GRK3: variants seen among roughly 807,000 people sequenced by gnomAD.
GRK3 encodes the protein G protein-coupled receptor kinase 3.
Under a neutral mutation model 95.7 loss-of-function variants are expected in GRK3, and 54 were observed. The observed-to-expected ratio is 0.56, with a 90% CI of 0.45 to 0.71. The LOEUF (loss-of-function observed/expected upper bound fraction) is 0.71. Ranked by LOEUF, GRK3 falls within the 30% of genes least tolerant of loss-of-function variation. The pLI, the probability that GRK3 is intolerant of heterozygous loss-of-function variation, is 0.00. For missense variants in GRK3, 649 were observed against 851.2 expected (o/e 0.76, Z 2.96); for synonymous variants, 281 against 290.8 (o/e 0.97, Z 0.34).
intron 1 of GRK3, among the ~76,000 whole-genome samples, chr22:25,569,516 G>A (rs964281258): frequency 2.6e-5 from 4 of 152,206 alleles, no homozygotes; most frequent in African/African-American, 9.7e-5. Context: ...TGGATTCTTA[G>A]AGACAGCCTC....
intron 2 of GRK3, among the ~76,000 whole-genome samples, chr22:25,642,714 A>T (rs559187093): frequency 6.6e-6 from 1 of 152,286 alleles, no homozygotes; most frequent in South Asian, 2.1e-4. Flanking sequence ...GAGAATGTGC[A>T]GTATTTGAGT....
Position 25,727,581 on chromosome 22 carries a change from A to C in GRK3, c.*5131A>C, listed in dbSNP as rs535653754. 73 of 152,388 alleles carry C rather than the reference A, an allele frequency of 4.8e-4. No homozygotes were observed. The highest frequency in any genetic ancestry group is 1.7e-3 in the African/African-American group (71 of 41,592). The allele number at this position is 152,388 out of a possible 1,614,324, so 9.4% of individuals were successfully genotyped here. A position where few individuals can be genotyped will look rare whatever the true frequency, so the allele number is the denominator to read the frequency against. On this transcript the variant is annotated 3_prime_UTR_variant, in exon 21 of 21. Coordinates refer to ENST00000324198, the MANE Select transcript of GRK3 (RefSeq NM_005160.4). The stretch of plus-strand genomic sequence containing the variant: ...AACACAAACTACAGAAAATGGGTTA[A>C]GAGTATACGCATTTCATCAAACACA...
intron 20 of GRK3, 146 bp from the exon 21 acceptor site, chr22:25,722,143 A>G (rs996217255): frequency 2.4e-6 from 2 of 832,404 alleles, no homozygotes; most frequent in Admixed American, 2.3e-5. Context: ...AGCGTGACCC[A>G]TCAGCTAGTA....
Position 25,726,343 on chromosome 22 carries a change from T to A in GRK3, c.*3893T>A, listed in dbSNP as rs1181416181. 3 of 152,240 alleles carry A rather than the reference T, an allele frequency of 2.0e-5. No homozygotes were observed. The highest frequency in any genetic ancestry group is 2.9e-5 in the Non-Finnish European group (2 of 68,034). The allele number at this position is 152,240 out of a possible 1,614,324, so 9.4% of individuals were successfully genotyped here. A position where few individuals can be genotyped will look rare whatever the true frequency, so the allele number is the denominator to read the frequency against. On this transcript the variant is annotated 3_prime_UTR_variant, in exon 21 of 21. Transcript: ENST00000324198. ...ACAACGTTCTCAAAGTCTGGCCTCT[T>A]TAGCATGATGTAAACCTATAGAAAT...
intron 13 of GRK3, among the ~76,000 whole-genome samples, chr22:25,696,487 A>ATTAATGG (rs1310591392): frequency 1.3e-5 from 2 of 152,188 alleles, no homozygotes; most frequent in African/African-American, 4.8e-5. Context: ...TAATTCTAAG[A>ATTAATGG]CTTTTAGCCA....
intron 3 of GRK3, among the ~76,000 whole-genome samples, chr22:25,649,542 T>C (rs983644590): frequency 6.6e-6 from 1 of 152,200 alleles, no homozygotes; most frequent in African/African-American, 2.4e-5. Flanking sequence ...ATTTTCTTTC[T>C]TTTCTTCCCC....
rs574353303 is a variant in GRK3, at chr22:25,566,897, G to GTT, written c.113+1753_113+1754dup. On this transcript the variant is annotated intron_variant, in intron 1 of 20. Transcript: ENST00000324198. ...ATTGATAAATCTCAACTCATGGGCAGTTTTTTTTTTGGGGGGGGCTAGTAT... is the reference window on the plus strand; with the variant it reads ...ATTGATAAATCTCAACTCATGGGCAGTTTTTTTTTTTTGGGGGGGGCTAGTAT... 3.2e-3 allele frequency among the ~76,000 whole-genome samples: 457 copies of GTT among 143,328 alleles called. 2 individuals are homozygous for GTT. Among genetic ancestry groups the GTT allele is most frequent in the African/African-American group, 0.01 (394 of 38,234 alleles). The allele number at this position is 143,328 out of a possible 152,430, so 94.0% of individuals were successfully genotyped here.
rs1238138325 is a variant in GRK3, at chr22:25,726,724, G to C, written c.*4274G>C. 4 of 152,158 alleles carry C rather than the reference G, an allele frequency of 2.6e-5. No homozygotes were observed. Among genetic ancestry groups the C allele is most frequent in the African/African-American group, 9.7e-5 (4 of 41,430 alleles). 9.4% of individuals were successfully genotyped at this position (152,158 alleles called of 1,614,324 possible). On this transcript the variant is annotated 3_prime_UTR_variant, in exon 21 of 21. Coordinates refer to ENST00000324198, the MANE Select transcript of GRK3 (RefSeq NM_005160.4). ...CCTGTAACAGGAGAGTTTTCCTTAT[G>C]ATAATTATTCTGAGACTTGGTCACT...
chr22:25,593,182 A>G (rs1375624491), intron 1 of GRK3, among the ~76,000 whole-genome samples: 1 of 151,942 alleles, frequency 6.6e-6, no homozygotes, highest in East Asian at 1.9e-4. Flanking sequence ...TCTTTTGGAA[A>G]GAAAATAAAT....
chr22:25,623,561 C>T (rs774783179), intron 2 of GRK3, among the ~76,000 whole-genome samples: 13 of 152,196 alleles, frequency 8.5e-5, no homozygotes, highest in Non-Finnish European at 1.6e-4. Context: ...CTTGCCTCTA[C>T]CAGAACAGAT....
chr22:25,725,613 G>A lies in GRK3; in HGVS notation c.*3163G>A, dbSNP rs1220797062. 2.5e-6 allele frequency: 1 copy of A among 398,472 alleles called. No homozygotes were observed. The highest frequency in any genetic ancestry group is 4.4e-6 in the Non-Finnish European group (1 of 226,060). 24.7% of individuals were successfully genotyped at this position (398,472 alleles called of 1,614,324 possible). On this transcript the variant is annotated 3_prime_UTR_variant, in exon 21 of 21. Transcript: ENST00000324198. ...TGCAAAGTGCTCATGCCTCTGATTG[G>A]TCCATTCACTGACGTGACAATTTCA...
In GRK3 at chr22:25,626,799, A is replaced by G. The variant is rs546190649; in HGVS notation, c.191-17793A>G. On this transcript the variant is annotated intron_variant, in intron 2 of 20. Coordinates refer to ENST00000324198, the MANE Select transcript of GRK3 (RefSeq NM_005160.4). ...GCTGCAGGTTTGAAGATCGGTGCAC[A>G]GTCAGGGCTATCGTCTGCCCCCAGT... Among the ~76,000 whole-genome samples, 11 of 152,350 alleles carry G rather than the reference A, an allele frequency of 7.2e-5. No individual in the cohort carries two copies. The South Asian group carries it at 2.3e-3, about 32-fold the overall frequency.
intron 3 of GRK3, among the ~76,000 whole-genome samples, chr22:25,650,695 C>T (rs2084824488): frequency 6.6e-6 from 1 of 152,198 alleles, no homozygotes; most frequent in Non-Finnish European, 1.5e-5. Context: ...CATAGCTCCT[C>T]ACTTAGCTAT....
intron 1 of GRK3, among the ~76,000 whole-genome samples, chr22:25,593,191 A>G (rs1263410558): frequency 6.6e-6 from 1 of 151,926 alleles, no homozygotes; most frequent in African/African-American, 2.4e-5. Context: ...AAGAAAATAA[A>G]TATATTCAGT....
At chr22:25,582,819 A>T (rs1431570768) in intron 1 of GRK3, among the ~76,000 whole-genome samples, 1 of 152,204 alleles carries the variant, frequency 6.6e-6, no homozygotes, top group East Asian at 1.9e-4. Flanking sequence ...ATGAGATAAT[A>T]AAAAAGCTAA....
chr22:25,709,051 T>C (rs1026814768), intron 15 of GRK3, among the ~76,000 whole-genome samples: 1 of 151,484 alleles, frequency 6.6e-6, no homozygotes, highest in African/African-American at 2.4e-5. Context: ...TTTTATTTTT[T>C]TTTTGAGATG....
At chr22:25,678,997 C>A in intron 9 of GRK3, 82 bp downstream of exon 9, 1 of 953,444 alleles carries the variant, frequency 1.0e-6, no homozygotes, top group Non-Finnish European at 1.6e-6. Flanking sequence ...TTCCTTCTAG[C>A]TGATTGCAAG....
chr22:25,621,897 T>C (rs1446134057), intron 2 of GRK3, among the ~76,000 whole-genome samples: 1 of 152,192 alleles, frequency 6.6e-6, no homozygotes, highest in Non-Finnish European at 1.5e-5. Context: ...AGACAAGGTA[T>C]GGGGCCAGTT....
intron 2 of GRK3, among the ~76,000 whole-genome samples, chr22:25,622,658 C>G (rs148144495): frequency 1.3e-4 from 20 of 152,286 alleles, no homozygotes; most frequent in African/African-American, 4.6e-4. Context: ...TAAGATCATT[C>G]TAGCCTCTTT....
Sources: gnomAD v4.1 joint callset for allele counts (sites outside exome capture counted in the v4.1 genomes callset) on GRCh38, gnomAD v4.1.1 for gene constraint, MANE v1.5 for transcripts, NCBI Gene and HGNC (gene_info 2026-07-23, HGNC 2026-07-21) for gene names.